ELMO3: variants seen among roughly 807,000 people sequenced by gnomAD.
ELMO3 encodes engulfment and cell motility 3.
Under a neutral mutation model 89.0 loss-of-function variants are expected in ELMO3, and 81 were observed. That is an observed-to-expected ratio of 0.91 (90% CI 0.76 to 1.09). The LOEUF (loss-of-function observed/expected upper bound fraction) is 1.09. ELMO3 is among the 50% of genes least tolerant of loss of function. The pLI is 0.00. For synonymous variants in ELMO3, 406 were observed against 400.6 expected (o/e 1.01, Z -0.16); for missense variants, 959 against 972.8 (o/e 0.99, Z 0.19).
At position 67,201,564 on chromosome 16, in the gene ELMO3, T is replaced by A. The variant is rs1328601704; in HGVS notation, c.840T>A (p.His280Gln). 2 of 1,614,068 alleles carry A rather than the reference T, an allele frequency of 1.2e-6. No individual in the cohort carries two copies. The highest frequency in any genetic ancestry group is 1.7e-6 in the Non-Finnish European group (2 of 1,180,032). ...CACCAATGGGCGACGAGATGGCTCA[T>A]CACCTGTACGTACTGCAGGCTCTCA... ...SAAPMGDEMA[H>Q]HLYVLQALML... The change falls in exon 10 of 20, where the codon CAT (histidine) becomes CAA (glutamine). Residue 280 changes from histidine to glutamine, a missense_variant. Transcript: ENST00000393997.
At position 67,203,156 on chromosome 16, in the gene ELMO3, G is replaced by T; in HGVS notation, c.1713G>T (p.Lys571Asn). Residue 571 changes from lysine (K) to asparagine (N), a missense_variant, in exon 17 of 20, where the codon AAG becomes AAT. Physicochemically the swap from Lys to Asn is moderately conservative, Grantham distance 94. Coordinates refer to ENST00000393997, the MANE Select transcript of ELMO3 (RefSeq NM_024712.5). This position sits in a 1 kb window ranked among gnomAD's most constrained non-coding sequence, Gnocchi z 4.6. ...TCTGCTGCCTGTCCCCCAACCACAAGCTGCTGCAGTACGGAGACATGGAGG... is the reference window on the plus strand; with the variant it reads ...TCTGCTGCCTGTCCCCCAACCACAATCTGCTGCAGTACGGAGACATGGAGG... ...LWFCCLSPNHKLLQYGDMEEG... is the reference protein window; with the variant it reads ...LWFCCLSPNHNLLQYGDMEEG... 6.2e-7 allele frequency: 1 copy of T among 1,612,424 alleles called. No individual in the cohort carries two copies.
At position 67,200,259 on chromosome 16, in the gene ELMO3, T is replaced by A; in HGVS notation, c.311T>A (p.Leu104Gln). The A allele has an allele frequency of 6.2e-7, 1 of 1,613,784 alleles. No individual in the cohort carries two copies. Among genetic ancestry groups the A allele is most frequent in the Non-Finnish European group, 8.5e-7 (1 of 1,180,036 alleles). The change falls in exon 5 of 20, where the codon CTG becomes CAG. Residue 104 changes from leucine (L) to glutamine (Q), a missense_variant. By Grantham distance (113) the Leu-to-Gln change is moderately radical. Coordinates refer to ENST00000393997, the MANE Select transcript of ELMO3 (RefSeq NM_024712.5). Reference sequence around the variant, plus strand: ...AGTCCTGAAGGGCGCCGGGAAGCCCTGAGGCGCCTTGTTCCGCTGGCCTCG... The same window carrying A: ...AGTCCTGAAGGGCGCCGGGAAGCCCAGAGGCGCCTTGTTCCGCTGGCCTCG... ...SNSPEGRREA[L>Q]RRLVPLASDM...
chr16:67,203,987 T>A lies in ELMO3; in HGVS notation c.*110T>A, dbSNP rs1376908689. 9.8e-7 allele frequency: 1 copy of A among 1,019,836 alleles called. No individual in the cohort carries two copies. The highest frequency in any genetic ancestry group is 1.4e-6 in the Non-Finnish European group (1 of 718,238). The allele number at this position is 1,019,836 out of a possible 1,614,324, so 63.2% of individuals were successfully genotyped here. A position where few individuals can be genotyped will look rare whatever the true frequency, so the allele number is the denominator to read the frequency against. ...AGCAGAGATTGCTGCAGAAATAAAGTCTGCTTGGCTCTTGGGATATGTTGA... is the reference window on the plus strand; with the variant it reads ...AGCAGAGATTGCTGCAGAAATAAAGACTGCTTGGCTCTTGGGATATGTTGA... On this transcript the variant is annotated 3_prime_UTR_variant, in exon 20 of 20. Transcript: ENST00000393997. The surrounding 1 kb of genome is among the most constrained non-coding windows in gnomAD (Gnocchi z 4.6).
rs954422396 is a variant in ELMO3 at position 67,201,387 on chromosome 16, CAT to C, written c.748_749del (p.Met250AlafsTer2). Reference protein sequence around the residue: ...QGASPVERKHMLDYLWQRNLR... With the variant: ...QGASPVERKHXLDYLWQRNLR... ...CCCCTTTCTTTCTACCCCCTCAGCACATGCTTGACTATCTTTGGCAGAGGAAC... is the reference window on the plus strand; with the variant it reads ...CCCCTTTCTTTCTACCCCCTCAGCACGCTTGACTATCTTTGGCAGAGGAAC... On this transcript the variant is annotated frameshift_variant, in exon 9 of 20. Transcript: ENST00000393997. LOFTEE classifies it high-confidence loss of function. 1.2e-6 allele frequency: 2 copies of C among 1,613,870 alleles called. No individual in the cohort carries two copies. The highest frequency in any genetic ancestry group is 2.7e-5 in the African/African-American group (2 of 74,900).
At position 67,202,173 on chromosome 16, in the gene ELMO3, C is replaced by CA; in HGVS notation, c.1153-2dup. The CA allele has an allele frequency of 6.3e-7, 1 of 1,599,734 alleles. No homozygotes were observed. The highest frequency in any genetic ancestry group is 1.1e-5 in the South Asian group (1 of 89,806). Reference sequence around the variant, plus strand: ...CTCCTTGCCCCATTCTCTGCGCCCCCAGTTTGTGTTGGAGAACAGCAGCCG... The same window carrying CA: ...CTCCTTGCCCCATTCTCTGCGCCCCCAAGTTTGTGTTGGAGAACAGCAGCCG... On this transcript the variant is annotated splice_polypyrimidine_tract_variant and splice_region_variant and intron_variant, in intron 12 of 19. Transcript: ENST00000393997.
At position 67,200,448 on chromosome 16, in the gene ELMO3, C is replaced by T. The variant is rs1450473842; in HGVS notation, c.414-3C>T. On this transcript the variant is annotated splice_polypyrimidine_tract_variant and splice_region_variant and intron_variant, in intron 5 of 19. Coordinates refer to ENST00000393997, the MANE Select transcript of ELMO3 (RefSeq NM_024712.5). ...TGCTCAGCCCCAGATGTCCCCCCTC[C>T]AGCCTAGGAGAGGTGCTGGCCCTCA... 7 of 1,612,236 alleles carry T rather than the reference C, an allele frequency of 4.3e-6. 1 individual carries two copies. In the South Asian group the frequency reaches 6.6e-5, roughly 15 times the overall value.
In ELMO3 at chr16:67,201,410, G is replaced by A. The variant is rs1353830325; in HGVS notation, c.770G>A (p.Arg257Lys). Residue 257 changes from arginine to lysine, a missense_variant, in exon 9 of 20, where the codon AGG (arginine) becomes AAG (lysine). Arg to Lys is a conservative substitution (Grantham distance 26). Coordinates refer to ENST00000393997, the MANE Select transcript of ELMO3 (RefSeq NM_024712.5). ...RKHMLDYLWQ[R>K]NLRQFIYKNI... is the part of the protein sequence containing the mutation. ...CACATGCTTGACTATCTTTGGCAGA[G>A]GAACCTTCGCCAGTTCATCTATAAG... is the stretch of plus-strand genomic sequence containing the variant. 7 of 1,613,812 alleles carry A rather than the reference G, an allele frequency of 4.3e-6. No individual in the cohort carries two copies. The highest frequency in any genetic ancestry group is 2.2e-5 in the East Asian group (1 of 44,866).
Position 67,203,831 on chromosome 16 carries a change from C to T in ELMO3, c.2117C>T (p.Pro706Leu), listed in dbSNP as rs748638405. 4 of 1,604,342 alleles carry T rather than the reference C, an allele frequency of 2.5e-6. No homozygotes were observed. The highest frequency in any genetic ancestry group is 1.8e-4 in the Middle Eastern group (1 of 5,454). Residue 706 changes from proline (P) to leucine (L), a missense_variant, in exon 20 of 20, where the codon CCC becomes CTC. Pro to Leu is a moderately conservative substitution (Grantham distance 98, BLOSUM62 -3). Transcript: ENST00000393997. The surrounding 1 kb of genome is among the most constrained non-coding windows in gnomAD (Gnocchi z 4.6). ...CGGCCACCCCCTGTGCCCCCACCCC[C>T]CACCAACTTCAACTTCTGCTATGAC... The part of the protein sequence containing the change: ...PERPPPVPPP[P>L]TNFNFCYDCS...
In ELMO3 at chr16:67,203,338, G is replaced by A. The variant is rs372535271; in HGVS notation, c.1792G>A (p.Asp598Asn). Residue 598 changes from aspartate (D) to asparagine (N), a missense_variant, in exon 18 of 20, where the codon GAC (aspartate) becomes AAC (asparagine). Coordinates refer to ENST00000393997, the MANE Select transcript of ELMO3 (RefSeq NM_024712.5). This position sits in a 1 kb window ranked among gnomAD's most constrained non-coding sequence, Gnocchi z 4.6. ...ESLPEQLPVA[D>N]MRALLTGKDC... ...CCTTCTTCCTGCAGTCCCTGTGGCC[G>A]ACATGAGGGCACTCCTGACAGGCAA... 16 of 1,600,188 alleles carry A rather than the reference G, an allele frequency of 1.0e-5. No individual in the cohort carries two copies. Among genetic ancestry groups the A allele is most frequent in the East Asian group, 4.5e-5 (2 of 44,360 alleles).
In ELMO3 at chr16:67,199,275, C is replaced by T; in HGVS notation, c.-52C>T. The T allele has an allele frequency of 6.2e-7, 1 of 1,612,222 alleles. No homozygotes were observed. The highest frequency in any genetic ancestry group is 1.1e-5 in the South Asian group (1 of 91,026). ...GGCCCCAGGCCAGGTGCACCCTTGG[C>T]CGCAGGTGCACGGTCTCCGGAAAGT... On this transcript the variant is annotated 5_prime_UTR_variant, in exon 1 of 20. Transcript: ENST00000393997.
chr16:67,202,098 G>A lies in ELMO3; in HGVS notation c.1152+20G>A, dbSNP rs372958358. On this transcript the variant is annotated intron_variant, in intron 12 of 19. Transcript: ENST00000393997. ...AGCCGGGTCGGTGACAGGGTAGGGTGGGGGGGTGGCAGCATCCCCCAGGCA... is the reference window on the plus strand; with the variant it reads ...AGCCGGGTCGGTGACAGGGTAGGGTAGGGGGGTGGCAGCATCCCCCAGGCA... 36 of 1,604,144 alleles carry A rather than the reference G, an allele frequency of 2.2e-5. No individual in the cohort carries two copies. Among genetic ancestry groups the A allele is most frequent in the Middle Eastern group, 3.3e-4 (2 of 6,046 alleles).
chr16:67,200,174 C>T lies in ELMO3; in HGVS notation c.244-18C>T. 3.1e-6 allele frequency: 5 copies of T among 1,607,326 alleles called. No individual in the cohort carries two copies. Among genetic ancestry groups the T allele is most frequent in the Non-Finnish European group, 4.3e-6 (5 of 1,175,928 alleles). The stretch of plus-strand genomic sequence containing the variant: ...ATGCCCAGCCTCTTCACCTCTGCTC[C>T]TGCTCCGTTCCTGCCAGGACCTTGA... On this transcript the variant is annotated intron_variant, in intron 4 of 19. Transcript: ENST00000393997.
chr16:67,203,465 T>G lies in ELMO3; in HGVS notation c.1864-32T>G. 1 of 1,182,814 alleles carries G rather than the reference T, an allele frequency of 8.5e-7. No homozygotes were observed. The highest frequency in any genetic ancestry group is 1.2e-6 in the Non-Finnish European group (1 of 834,300). 73.3% of individuals were successfully genotyped at this position (1,182,814 alleles called of 1,614,324 possible). On this transcript the variant is annotated intron_variant, in intron 18 of 19. Transcript: ENST00000393997. The surrounding 1 kb of genome is among the most constrained non-coding windows in gnomAD (Gnocchi z 4.6). Reference sequence around the variant, plus strand: ...ACCCGCCCCCGCCTACCCTGTCCCCTGCTCAGTGTCCCCGCTCCCTTGCTT... The same window carrying G: ...ACCCGCCCCCGCCTACCCTGTCCCCGGCTCAGTGTCCCCGCTCCCTTGCTT...
Position 67,199,557 on chromosome 16 carries a change from A to G in ELMO3, c.83A>G (p.Lys28Arg). The change falls in exon 2 of 20, where the codon AAG (lysine) becomes AGG (arginine). Residue 28 changes from lysine to arginine, a missense_variant. Lys to Arg is a conservative substitution (Grantham distance 26). Coordinates refer to ENST00000393997, the MANE Select transcript of ELMO3 (RefSeq NM_024712.5). ...GAATGACCACTCCACTTGCAGGCGA[A>G]GCCCCTGGCCGCTGTGCTGAAGGAG... ...IPQLIQLDQAKPLAAVLKEVC... is the reference protein window; with the variant it reads ...IPQLIQLDQARPLAAVLKEVC... 6.2e-7 allele frequency: 1 copy of G among 1,606,076 alleles called. No homozygotes were observed. The highest frequency in any genetic ancestry group is 1.1e-5 in the South Asian group (1 of 90,706).
chr16:67,202,593 G>A (rs750609174), intron 14 of ELMO3, 34 bp from the exon 15 acceptor site: 25 of 1,612,928 alleles, frequency 1.5e-5, no homozygotes, highest in Non-Finnish European at 2.0e-5. Flanking sequence ...TGGGTACAGA[G>A]CTTAGGCCCT....
At chr16:67,200,634 G>A in intron 6 of ELMO3, 23 bp from the exon 7 acceptor site, 2 of 1,609,204 alleles carry the variant, frequency 1.2e-6, no homozygotes, top group South Asian at 2.2e-5. Flanking sequence ...GGGGTGAGGT[G>A]GTGACACCCC....
In ELMO3 at chr16:67,202,437, CCAAGA is replaced by C. The variant is rs1567692863; in HGVS notation, c.1304_1308del (p.Gln435ProfsTer16). ...AGGACTTCTCACCCATGTTCTTCGG[CCAAGA>C]CCAGAGCTTCCACGAGCTCTTCTGT... On this transcript the variant is annotated frameshift_variant, in exon 14 of 20. Transcript: ENST00000393997. LOFTEE classifies it high-confidence loss of function. 1 of 1,613,748 alleles carries C rather than the reference CCAAGA, an allele frequency of 6.2e-7. No homozygotes were observed. Among genetic ancestry groups the C allele is most frequent in the Non-Finnish European group, 8.5e-7 (1 of 1,180,044 alleles).
At position 67,203,558 on chromosome 16, in the gene ELMO3, A is replaced by G. The variant is rs1488617659; in HGVS notation, c.1925A>G (p.Asn642Ser). 6.2e-7 allele frequency: 1 copy of G among 1,613,778 alleles called. No homozygotes were observed. The highest frequency in any genetic ancestry group is 8.5e-7 in the Non-Finnish European group (1 of 1,179,952). The part of the protein sequence containing the change: ...YDRGEEEAYL[N>S]FIAPSKREFY... ...CGTGGGGAGGAGGAAGCGTACCTCAACTTCATTGCCCCCTCCAAGCGGGAG... is the reference window on the plus strand; with the variant it reads ...CGTGGGGAGGAGGAAGCGTACCTCAGCTTCATTGCCCCCTCCAAGCGGGAG... The change falls in exon 19 of 20, where the codon AAC becomes AGC. Residue 642 changes from asparagine (N) to serine (S), a missense_variant. Physicochemically the swap from Asn to Ser is conservative, Grantham distance 46. Coordinates refer to ENST00000393997, the MANE Select transcript of ELMO3 (RefSeq NM_024712.5). The surrounding 1 kb of genome is among the most constrained non-coding windows in gnomAD (Gnocchi z 4.6).
Position 67,203,905 on chromosome 16 carries a change from G to A in ELMO3, c.*28G>A. ...GTGTGGCTGGCCATGGGCCACAGCT[G>A]CGGCCACTGCAGCAGCCATGAAGGG... is the stretch of plus-strand genomic sequence containing the variant. On this transcript the variant is annotated 3_prime_UTR_variant, in exon 20 of 20. Transcript: ENST00000393997. This position sits in a 1 kb window ranked among gnomAD's most constrained non-coding sequence, Gnocchi z 4.6. The A allele has an allele frequency of 1.3e-6, 2 of 1,516,612 alleles. No individual in the cohort carries two copies. Among genetic ancestry groups the A allele is most frequent in the Non-Finnish European group, 1.8e-6 (2 of 1,128,290 alleles). The allele number at this position is 1,516,612 out of a possible 1,614,324, so 93.9% of individuals were successfully genotyped here. A position where few individuals can be genotyped will look rare whatever the true frequency, so the allele number is the denominator to read the frequency against.
Sources: gnomAD v4.1 joint callset for allele counts on GRCh38, gnomAD v4.1.1 for gene constraint, Gnocchi (gnomAD v3.1) non-coding constraint, MANE v1.5 for transcripts, NCBI Gene and HGNC (gene_info 2026-07-23, HGNC 2026-07-21) for gene names.